The following ATP7B variants were observed in gnomAD, a reference collection of about 807,000 sequenced individuals.
ATP7B encodes the protein ATPase copper transporting beta.
A neutral mutation model predicts 118.9 loss-of-function variants in ATP7B; 113 were observed. The ratio of observed to expected loss-of-function variants is 0.95; its 90% CI spans 0.82 to 1.11. The LOEUF is 1.11. ATP7B is among the 50% of genes most tolerant of loss of function. The pLI, the probability that ATP7B is intolerant of heterozygous loss-of-function variation, is 0.00. For missense variants in ATP7B, 1,867 were observed against 1,871.4 expected (o/e 1.00, Z 0.04); for synonymous variants, 777 against 727.4 (o/e 1.07, Z -1.10).
At position 51,937,664 on chromosome 13, in the gene ATP7B, C is replaced by T. The variant is rs185912036; in HGVS notation, c.3715G>A (p.Val1239Ile). ...AIATQVGINKVFAEVLPSHKV... is the reference protein window; with the variant it reads ...AIATQVGINKIFAEVLPSHKV... ...TGCGAAGGCAGCACCTCTGCAAAGA[C>T]TTTGTTGATGCCAACCTAAGACAAA... The change falls in exon 18 of 21, where the codon GTC (valine) becomes ATC (isoleucine). Residue 1239 changes from valine (V) to isoleucine (I), a missense_variant. Physicochemically the swap from Val to Ile is conservative, Grantham distance 29. Transcript: ENST00000242839. The T allele has an allele frequency of 2.5e-6, 4 of 1,614,256 alleles. No individual in the cohort carries two copies. The South Asian group carries it at 4.4e-5, about 18-fold the overall frequency.
intron 7 of ATP7B, 143 bp downstream of exon 7, chr13:51,960,005 C>T (rs1033611381): frequency 4.2e-6 from 5 of 1,190,002 alleles, no homozygotes; most frequent in African/African-American, 1.5e-5. Context: ...AAAAAAGCAG[C>T]AACTGCCTGG....
chr13:51,961,915 T>C lies in ATP7B; in HGVS notation c.1870-2A>G. On this transcript the variant is annotated splice_acceptor_variant, in intron 5 of 20. Transcript: ENST00000242839. LOFTEE classifies it high-confidence loss of function. ...CAGGGAAGCATGAAAGCCAATTTCC[T>C]TGTCATTAAAAAGAGAGGGGTGGGG... 1.2e-6 allele frequency: 2 copies of C among 1,613,238 alleles called. No homozygotes were observed. The highest frequency in any genetic ancestry group is 1.7e-6 in the Non-Finnish European group (2 of 1,179,230).
chr13:51,977,169 A>G (rs1270744645), intron 1 of ATP7B, among the ~76,000 whole-genome samples: 2 of 152,062 alleles, frequency 1.3e-5, no homozygotes, highest in African/African-American at 4.8e-5. Flanking sequence ...TCTCTGAAAC[A>G]ATAATAATAA....
intron 1 of ATP7B, among the ~76,000 whole-genome samples, chr13:51,994,777 T>C (rs1021810686): frequency 1.3e-5 from 2 of 152,202 alleles, no homozygotes; most frequent in Admixed American, 6.5e-5. Flanking sequence ...CCTTCAAAAG[T>C]TGTTTTTTAT....
intron 1 of ATP7B, among the ~76,000 whole-genome samples, chr13:51,999,772 C>T (rs373650688): frequency 1.3e-5 from 2 of 152,160 alleles, no homozygotes; most frequent in South Asian, 2.1e-4. Context: ...TTCAGCACCA[C>T]GAACTGCGGG....
intron 1 of ATP7B, among the ~76,000 whole-genome samples, chr13:51,982,682 C>T (rs796354386): frequency 3.3e-5 from 5 of 152,298 alleles, no homozygotes; most frequent in East Asian, 1.9e-4. Context: ...GCGAGATCAA[C>T]GCAGAAGGAG....
chr13:51,978,997 G>C (rs935121745), intron 1 of ATP7B: 5 of 152,276 alleles, frequency 3.3e-5, no homozygotes, highest in African/African-American at 9.7e-5. Context: ...CTGTTGGCAG[G>C]GACCCGGTTC....
intron 1 of ATP7B, among the ~76,000 whole-genome samples, chr13:51,991,611 C>G (rs979621272): frequency 4.6e-5 from 7 of 152,178 alleles, no homozygotes; most frequent in African/African-American, 1.7e-4. Flanking sequence ...CTGTATACAG[C>G]TGGAACAACT....
intron 1 of ATP7B, among the ~76,000 whole-genome samples, chr13:51,991,319 T>C (rs1952897405): frequency 6.6e-6 from 1 of 151,962 alleles, no homozygotes; most frequent in Non-Finnish European, 1.5e-5. Context: ...AGATACAGGA[T>C]ACGATGACAA....
intron 1 of ATP7B, among the ~76,000 whole-genome samples, chr13:51,988,780 A>T (rs1482142789): frequency 6.6e-6 from 1 of 152,100 alleles, no homozygotes; most frequent in African/African-American, 2.4e-5. Context: ...GCTGGAAACC[A>T]CCATTCTCAG....
At chr13:52,004,751 T>C (rs909817503) in intron 1 of ATP7B, among the ~76,000 whole-genome samples, 10 of 152,366 alleles carry the variant, frequency 6.6e-5, no homozygotes, top group African/African-American at 2.4e-4. Context: ...CTATGTAGTC[T>C]GGCACTGCCC....
Position 51,973,999 on chromosome 13 carries a change from T to G in ATP7B, c.1221A>C (p.Val407=). Residue 407 remains valine (V), a synonymous_variant, in exon 2 of 21, where the codon GTA becomes GTC. Coordinates refer to ENST00000242839, the MANE Select transcript of ATP7B (RefSeq NM_000053.4). ...CAGCTCTGAGTTCTTCTGGGCTAAT[T>G]ACAGAGGGATTATAAAGAACTGTTG... ...GTATVLYNPS[V]ISPEELRAAI... is the part of the protein sequence containing the mutation. The G allele has an allele frequency of 6.2e-7, 1 of 1,614,250 alleles. No homozygotes were observed. The highest frequency in any genetic ancestry group is 2.2e-5 in the East Asian group (1 of 44,890).
intron 5 of ATP7B, among the ~76,000 whole-genome samples, chr13:51,964,045 T>C (rs1362559315): frequency 6.6e-6 from 1 of 151,456 alleles, no homozygotes; most frequent in Non-Finnish European, 1.5e-5. Context: ...AATGAGACTC[T>C]GTCAAAAAAA....
intron 12 of ATP7B, among the ~76,000 whole-genome samples, chr13:51,948,345 G>T (rs1957792277): frequency 6.6e-6 from 1 of 152,086 alleles, no homozygotes; most frequent in African/African-American, 2.4e-5. Flanking sequence ...CAAACTCCTG[G>T]ACTCAAATGA....
chr13:51,970,502 C>G lies in ATP7B; in HGVS notation c.1533G>C (p.Gln511His), dbSNP rs763459141. ...GCGTTCATCTCTTACCAGCTTCTTT[C>G]TGCAGATTCCTTTCTATGTTAGACA... is the stretch of plus-strand genomic sequence containing the variant. ...SCVSNIERNL[Q>H]KEAGVLSVLV... The change falls in exon 3 of 21, where the codon CAG becomes CAC. Residue 511 changes from glutamine to histidine, a missense_variant. Transcript: ENST00000242839. 1.9e-6 allele frequency: 3 copies of G among 1,614,216 alleles called. No individual in the cohort carries two copies. The highest frequency in any genetic ancestry group is 1.7e-5 in the Admixed American group (1 of 60,036).
rs145505814 is a variant in ATP7B, at chr13:51,984,537, A to T, written c.52-9369T>A. The stretch of plus-strand genomic sequence containing the variant: ...CTTCCCCAACCTAGCAAGACAGGCC[A>T]ACATTCAAATTCAGGAAATACAGAG... On this transcript the variant is annotated intron_variant, in intron 1 of 20. Coordinates refer to ENST00000242839, the MANE Select transcript of ATP7B (RefSeq NM_000053.4). 4.3e-3 allele frequency among the ~76,000 whole-genome samples: 651 copies of T among 152,316 alleles called. 5 individuals are homozygous for T. Among genetic ancestry groups the T allele is most frequent in the South Asian group, 7.5e-3 (36 of 4,832 alleles).
intron 7 of ATP7B, chr13:51,959,481 C>G (rs186998335): frequency 3.3e-5 from 5 of 149,432 alleles, no homozygotes; most frequent in Admixed American, 1.4e-4. Context: ...TGAACTCCAG[C>G]CTGGGTGACA....
chr13:51,945,138 G>A (rs892103962), intron 13 of ATP7B, among the ~76,000 whole-genome samples: 4 of 152,064 alleles, frequency 2.6e-5, no homozygotes, highest in Non-Finnish European at 4.4e-5. Context: ...AGCTTTCAGC[G>A]CAACCTTAAC....
chr13:51,973,321 C>G (rs1293670815), intron 2 of ATP7B, among the ~76,000 whole-genome samples: 1 of 152,218 alleles, frequency 6.6e-6, no homozygotes, highest in Non-Finnish European at 1.5e-5. Flanking sequence ...GGTTCGCATT[C>G]AAGTCAGCCA....
Sources: allele counts gnomAD v4.1 joint callset (sites outside exome capture counted in the v4.1 genomes callset), GRCh38; gene constraint gnomAD v4.1.1; transcripts MANE v1.5; gene names NCBI Gene and HGNC (gene_info 2026-07-23, HGNC 2026-07-21).